Variants in GRIK4 observed in about 807,000 individuals in gnomAD.
GRIK4 encodes glutamate receptor ionotropic, kainate 4.
GRIK4 carries 40 observed loss-of-function variants against 104.9 expected under a neutral mutation model. The ratio of observed to expected loss-of-function variants is 0.38; its 90% CI spans 0.30 to 0.50. GRIK4 has a LOEUF of 0.50. Ranked by LOEUF, GRIK4 falls within the 20% of genes least tolerant of loss-of-function variation. GRIK4 has a pLI of 0.93. For missense variants in GRIK4, 1,047 were observed against 1,308.1 expected (o/e 0.80, Z 3.08); for synonymous variants, 485 against 524.9 (o/e 0.92, Z 1.04).
At chr11:120,931,112 A>G (rs1333198742) in intron 13 of GRIK4, among the ~76,000 whole-genome samples, 1 of 152,214 alleles carries the variant, frequency 6.6e-6, no homozygotes, top group Non-Finnish European at 1.5e-5. Context: ...GAGCTGGGAG[A>G]GGATATCACA....
At chr11:120,943,151 C>CA (rs869038854) in intron 14 of GRIK4, among the ~76,000 whole-genome samples, 71,874 of 96,968 alleles carry the variant, frequency 0.74, 24,729 homozygotes, top group East Asian at 0.89. Context: ...CACACACACA[C>CA]CCCCCTGACT....
At chr11:120,744,554 CCAGCAACTGACTGGGCAGT>C (rs1458212169) in intron 3 of GRIK4, among the ~76,000 whole-genome samples, 2 of 152,098 alleles carry the variant, frequency 1.3e-5, no homozygotes, top group Non-Finnish European at 2.9e-5. Flanking sequence ...TCGTGGTGTC[CCAGCAACTGACTGGGCAGT>C]CAGAGAATGG....
At chr11:120,916,107 G>A (rs950374026) in intron 13 of GRIK4, among the ~76,000 whole-genome samples, 1 of 152,204 alleles carries the variant, frequency 6.6e-6, no homozygotes, top group African/African-American at 2.4e-5. Context: ...GTGGCTCTGA[G>A]TGGCCAGTTT....
At chr11:120,558,952 T>A (rs1336457424) in intron 1 of GRIK4, among the ~76,000 whole-genome samples, 2 of 152,176 alleles carry the variant, frequency 1.3e-5, no homozygotes, top group Non-Finnish European at 2.9e-5. Context: ...CTCACCATGG[T>A]GATGCTGAAG....
intron 13 of GRIK4, among the ~76,000 whole-genome samples, chr11:120,908,662 G>C (rs17124533): frequency 0.014 from 2,133 of 152,260 alleles, 54 homozygotes; most frequent in African/African-American, 0.049. Flanking sequence ...TCATAGCTTT[G>C]TATTAAGCAC....
intron 3 of GRIK4, among the ~76,000 whole-genome samples, chr11:120,752,491 G>C (rs1951573768): frequency 6.6e-6 from 1 of 152,188 alleles, no homozygotes; most frequent in Non-Finnish European, 1.5e-5. Flanking sequence ...CCCAGCTTGG[G>C]TGGGAAATGG....
At chr11:120,797,543 T>C (rs1261740984) in intron 3 of GRIK4, among the ~76,000 whole-genome samples, 2 of 152,196 alleles carry the variant, frequency 1.3e-5, no homozygotes, top group Non-Finnish European at 2.9e-5. Flanking sequence ...CACCTTGTCT[T>C]TGATGTCCAC....
At chr11:120,763,405 A>G (rs191622465) in intron 3 of GRIK4, among the ~76,000 whole-genome samples, 1 of 152,132 alleles carries the variant, frequency 6.6e-6, no homozygotes, top group East Asian at 1.9e-4. Context: ...TCCTGGATTC[A>G]CTGATTTTTG....
chr11:120,885,895 G>A (rs1311153758), intron 11 of GRIK4, among the ~76,000 whole-genome samples: 3 of 152,202 alleles, frequency 2.0e-5, no homozygotes, highest in Middle Eastern at 3.4e-3. Context: ...TATTATTTTC[G>A]CCGTCACTGG....
chr11:120,647,937 T>G (rs898406304), intron 1 of GRIK4, among the ~76,000 whole-genome samples: 1 of 152,196 alleles, frequency 6.6e-6, no homozygotes, highest in Admixed American at 6.5e-5. Flanking sequence ...CATGTGGGTA[T>G]GCTGGCGCAG....
chr11:120,697,272 A>T (rs1347457597), intron 3 of GRIK4, among the ~76,000 whole-genome samples: 1 of 152,206 alleles, frequency 6.6e-6, no homozygotes, highest in Non-Finnish European at 1.5e-5. Flanking sequence ...GCTAACCCCA[A>T]ATCCTGAATG....
intron 6 of GRIK4, among the ~76,000 whole-genome samples, chr11:120,821,131 C>T (rs1953115888): frequency 6.6e-6 from 1 of 152,244 alleles, no homozygotes; most frequent in Non-Finnish European, 1.5e-5. Context: ...AAAGCTCTTC[C>T]AGAGCCCTGC....
intron 3 of GRIK4, among the ~76,000 whole-genome samples, chr11:120,776,368 C>T (rs571782705): frequency 1.3e-5 from 2 of 152,324 alleles, no homozygotes; most frequent in African/African-American, 2.4e-5. Flanking sequence ...TTCTTTCCAC[C>T]TGCTGGGCAT....
intron 3 of GRIK4, among the ~76,000 whole-genome samples, chr11:120,749,285 C>T (rs1565330042): frequency 1.3e-5 from 2 of 152,148 alleles, no homozygotes; most frequent in Non-Finnish European, 2.9e-5. Context: ...TAGATGATCT[C>T]TGGACACTGG....
chr11:120,757,322 C>T (rs1951671326), intron 3 of GRIK4, among the ~76,000 whole-genome samples: 1 of 152,236 alleles, frequency 6.6e-6, no homozygotes, highest in Admixed American at 6.5e-5. Context: ...GTAGCATGGG[C>T]TTTTAGCCAA....
At chr11:120,896,597 T>C (rs1253839616) in intron 11 of GRIK4, among the ~76,000 whole-genome samples, 3 of 152,208 alleles carry the variant, frequency 2.0e-5, no homozygotes, top group Admixed American at 2.0e-4. Flanking sequence ...GCTGATGGTC[T>C]GGGGTGGGCC....
chr11:120,702,151 T>G (rs950365885), intron 3 of GRIK4, among the ~76,000 whole-genome samples: 5 of 152,162 alleles, frequency 3.3e-5, no homozygotes, highest in African/African-American at 1.2e-4. Context: ...AGATGGGGTT[T>G]CACCATGTTG....
At chr11:120,920,618 C>T (rs946083512) in intron 13 of GRIK4, among the ~76,000 whole-genome samples, 5 of 151,684 alleles carry the variant, frequency 3.3e-5, no homozygotes, top group Non-Finnish European at 4.4e-5. Context: ...TTCTTGCCCT[C>T]ACATATTCCC....
intron 3 of GRIK4, among the ~76,000 whole-genome samples, chr11:120,784,843 A>C (rs902508278): frequency 1.3e-5 from 2 of 151,996 alleles, no homozygotes; most frequent in Non-Finnish European, 2.9e-5. Flanking sequence ...CTTTGAGAGC[A>C]GGGGACAGAA....
Sources: gnomAD v4.1 joint callset for allele counts (sites outside exome capture counted in the v4.1 genomes callset) on GRCh38, gnomAD v4.1.1 for gene constraint, MANE v1.5 for transcripts, NCBI Gene and HGNC (gene_info 2026-07-23, HGNC 2026-07-21) for gene names.